SRGAP1: variants seen among roughly 807,000 people sequenced by gnomAD.
The protein encoded by SRGAP1 is SLIT-ROBO Rho GTPase activating protein 1.
A neutral mutation model predicts 121.9 loss-of-function variants in SRGAP1; 43 were observed. The ratio of observed to expected loss-of-function variants is 0.35; its 90% CI spans 0.28 to 0.46. The LOEUF (loss-of-function observed/expected upper bound fraction) is 0.46. SRGAP1 is among the 20% of genes least tolerant of loss of function. The probability of loss-of-function intolerance (pLI) is 1.00; values close to 1 mark genes in which losing one functional copy is unlikely to be tolerated. For missense variants in SRGAP1, 1,102 were observed against 1,350.9 expected (o/e 0.82, Z 2.89); for synonymous variants, 447 against 485.4 (o/e 0.92, Z 1.04).
rs144722450 is a variant in SRGAP1, at chr12:64,096,746, C to G, written c.1679-495C>G. 2.7e-3 allele frequency among the ~76,000 whole-genome samples: 406 copies of G among 152,316 alleles called. 1 individual carries two copies. Among genetic ancestry groups the G allele is most frequent in the African/African-American group, 9.4e-3 (391 of 41,574 alleles). On this transcript the variant is annotated intron_variant, in intron 14 of 21. Coordinates refer to ENST00000355086, the MANE Select transcript of SRGAP1 (RefSeq NM_020762.4). ...ATGTGCTGTGAACACCACCATGCCA[C>G]TTTGGGAAATACCTACTTATTTAAT...
chr12:63,911,638 T>G (rs1156792991), intron 1 of SRGAP1, among the ~76,000 whole-genome samples: 1 of 152,242 alleles, frequency 6.6e-6, no homozygotes, highest in Admixed American at 6.5e-5. Flanking sequence ...ACCACGTTGC[T>G]AATTCTGTAG....
In SRGAP1 at chr12:64,161,730, A is replaced by C. The variant is rs2037210441; in HGVS notation, c.*19058A>C. 3 of 152,214 alleles carry C rather than the reference A, an allele frequency of 2.0e-5. No individual in the cohort carries two copies. Among genetic ancestry groups the C allele is most frequent in the African/African-American group, 7.2e-5 (3 of 41,460 alleles). 9.4% of individuals were successfully genotyped at this position (152,214 alleles called of 1,614,324 possible). ...CCTTGGCTATCTGCTCGAATTTAAA[A>C]ACAAGCACTAAAGAAGGGCACTAAA... On this transcript the variant is annotated 3_prime_UTR_variant, in exon 22 of 22. Transcript: ENST00000355086.
At chr12:64,110,025 C>T (rs1278482950) in intron 16 of SRGAP1, among the ~76,000 whole-genome samples, 1 of 152,130 alleles carries the variant, frequency 6.6e-6, no homozygotes, top group Non-Finnish European at 1.5e-5. Flanking sequence ...AGTAGCAACC[C>T]CTTTGTACAT....
intron 8 of SRGAP1, among the ~76,000 whole-genome samples, chr12:64,068,295 AAGT>A (rs2035577152): frequency 8.9e-6 from 1 of 111,892 alleles, no homozygotes; most frequent in Admixed American, 9.7e-5. Flanking sequence ...AAAAAAAAAA[AAGT>A]AGTAGGCACC....
intron 8 of SRGAP1, among the ~76,000 whole-genome samples, chr12:64,069,365 T>C (rs960230437): frequency 6.6e-6 from 1 of 152,202 alleles, no homozygotes; most frequent in African/African-American, 2.4e-5. Context: ...TTGGTGAAGA[T>C]TCATAAGAGA....
At chr12:63,967,335 G>A (rs574931244) in intron 1 of SRGAP1, among the ~76,000 whole-genome samples, 1 of 152,124 alleles carries the variant, frequency 6.6e-6, no homozygotes, top group Non-Finnish European at 1.5e-5. Flanking sequence ...CCAGTTACTC[G>A]GGAGGCTGAA....
chr12:64,033,953 G>T (rs536206121), intron 4 of SRGAP1, among the ~76,000 whole-genome samples: 1 of 151,144 alleles, frequency 6.6e-6, no homozygotes, highest in Non-Finnish European at 1.5e-5. Context: ...CCGGTGTGAG[G>T]GGGTAGTGGA....
At chr12:63,886,154 A>G (rs899348396) in intron 1 of SRGAP1, among the ~76,000 whole-genome samples, 14 of 152,178 alleles carry the variant, frequency 9.2e-5, no homozygotes, top group African/African-American at 3.4e-4. Context: ...TTCGCCTCCC[A>G]GGTTCAAGCA....
At chr12:63,966,061 C>G (rs1308478755) in intron 1 of SRGAP1, among the ~76,000 whole-genome samples, 1 of 152,204 alleles carries the variant, frequency 6.6e-6, no homozygotes, top group Non-Finnish European at 1.5e-5. Context: ...CTCAAGTGAT[C>G]CGCCTGCCTT....
At chr12:64,018,871 A>T (rs1254443059) in intron 4 of SRGAP1, among the ~76,000 whole-genome samples, 1 of 152,186 alleles carries the variant, frequency 6.6e-6, no homozygotes, top group African/African-American at 2.4e-5. Context: ...CAGTAATTTA[A>T]AAGTTAAATG....
At chr12:64,141,369 C>A (rs1179762204) in intron 21 of SRGAP1, among the ~76,000 whole-genome samples, 2 of 151,510 alleles carry the variant, frequency 1.3e-5, no homozygotes, top group African/African-American at 4.9e-5. Flanking sequence ...ATCATGAGGT[C>A]AGGAGTTCGA....
intron 18 of SRGAP1, chr12:64,116,131 C>T (rs2036517406): frequency 2.3e-6 from 1 of 430,752 alleles, no homozygotes; most frequent in Non-Finnish European, 4.3e-6. Context: ...GTGATGTGCA[C>T]CTGTAGTCCC....
chr12:63,887,660 T>A (rs1900435236), intron 1 of SRGAP1: 1 of 152,228 alleles, frequency 6.6e-6, no homozygotes, highest in Non-Finnish European at 1.5e-5. Flanking sequence ...GTCTGCAGCC[T>A]CCACCCTTGA....
chr12:63,885,942 A>G (rs1900366916), intron 1 of SRGAP1, among the ~76,000 whole-genome samples: 2 of 152,246 alleles, frequency 1.3e-5, no homozygotes, highest in South Asian at 4.1e-4. Flanking sequence ...GCATTTTGCT[A>G]TTTCAAATGT....
At chr12:64,098,478 C>T (rs756728007) in intron 15 of SRGAP1, among the ~76,000 whole-genome samples, 45 of 152,000 alleles carry the variant, frequency 3.0e-4, no homozygotes, top group Admixed American at 5.2e-4. Context: ...TGAGACCAGC[C>T]TGGGCAACAT....
At chr12:64,007,369 G>A (rs1430916886) in intron 3 of SRGAP1, among the ~76,000 whole-genome samples, 1 of 152,118 alleles carries the variant, frequency 6.6e-6, no homozygotes, top group Non-Finnish European at 1.5e-5. Flanking sequence ...TAAATGCCTT[G>A]CATGCACAGT....
At chr12:64,038,967 T>TA (rs1340852913) in intron 4 of SRGAP1, 1 of 152,162 alleles carries the variant, frequency 6.6e-6, no homozygotes, top group African/African-American at 2.4e-5. Context: ...AATGCACCTG[T>TA]AAAAAATAAA....
intron 4 of SRGAP1, among the ~76,000 whole-genome samples, chr12:64,025,108 C>T (rs2034625077): frequency 6.6e-6 from 1 of 151,236 alleles, no homozygotes; most frequent in African/African-American, 2.4e-5. Flanking sequence ...TCTAGCCTGG[C>T]CTTTACGTAT....
At chr12:64,065,309 C>G (rs575789816) in intron 8 of SRGAP1, 90 bp downstream of exon 8, 1 of 1,111,978 alleles carries the variant, frequency 9.0e-7, no homozygotes, top group South Asian at 1.3e-5. Flanking sequence ...ATTTAATATT[C>G]AAGATTCAAC....
Sources: allele counts gnomAD v4.1 joint callset (sites outside exome capture counted in the v4.1 genomes callset), GRCh38; gene constraint gnomAD v4.1.1; transcripts MANE v1.5; gene names NCBI Gene and HGNC (gene_info 2026-07-23, HGNC 2026-07-21).